STXBP5: variants seen among roughly 807,000 people sequenced by gnomAD.
STXBP5 encodes the protein syntaxin-binding protein 5.
STXBP5 carries 50 observed loss-of-function variants against 152.4 expected under a neutral mutation model. The observed-to-expected ratio is 0.33, with a 90% confidence interval of 0.26 to 0.42. The LOEUF is 0.42. Ranked by LOEUF, STXBP5 falls within the 10% of genes least tolerant of loss-of-function variation. The pLI, the probability that STXBP5 is intolerant of heterozygous loss-of-function variation, is 1.00. For missense variants in STXBP5, 1,167 were observed against 1,388.6 expected, an observed-to-expected ratio of 0.84 and a Z score of 2.54; for synonymous variants, 492 against 494.7, an observed-to-expected ratio of 0.99 and a Z score of 0.07.
At chr6:147,320,246 T>G (rs1782853299) in intron 16 of STXBP5, among the ~76,000 whole-genome samples, 1 of 152,096 alleles carries the variant, frequency 6.6e-6, no homozygotes, top group Admixed American at 6.6e-5. Flanking sequence ...AAGAGCCAGG[T>G]AGGTTTCCTG....
chr6:147,328,526 C>T (rs1197495247), intron 18 of STXBP5, among the ~76,000 whole-genome samples: 1 of 152,012 alleles, frequency 6.6e-6, no homozygotes, highest in Non-Finnish European at 1.5e-5. Flanking sequence ...ATAGACCTTT[C>T]TGTTACTTTG....
At chr6:147,264,028 A>T (rs1273627800) in intron 6 of STXBP5, among the ~76,000 whole-genome samples, 1 of 151,586 alleles carries the variant, frequency 6.6e-6, no homozygotes, top group Non-Finnish European at 1.5e-5. Flanking sequence ...AATTATATGG[A>T]TTATATATAT....
chr6:147,292,665 A>G (rs1341143771), intron 9 of STXBP5: 1 of 153,006 alleles, frequency 6.5e-6, no homozygotes, highest in Admixed American at 6.5e-5. Context: ...ATCTATGATT[A>G]TAATACAAAA....
intron 2 of STXBP5, among the ~76,000 whole-genome samples, chr6:147,224,782 T>G (rs567283438): frequency 2.4e-4 from 37 of 152,322 alleles, no homozygotes; most frequent in African/African-American, 8.4e-4. Context: ...GTTTTTATGT[T>G]CACACAAAAT....
chr6:147,218,062 C>A (rs986008592), intron 2 of STXBP5, among the ~76,000 whole-genome samples: 1 of 152,070 alleles, frequency 6.6e-6, no homozygotes, highest in African/African-American at 2.4e-5. Flanking sequence ...TTTTTTAGTG[C>A]AGTTTTAGGT....
At position 147,386,762 on chromosome 6, in the gene STXBP5, CAATAA is replaced by C. The variant is rs1364157300; in HGVS notation, c.*2011_*2015del. 1 of 151,656 alleles carries C rather than the reference CAATAA, an allele frequency of 6.6e-6. No individual in the cohort carries two copies. The highest frequency in any genetic ancestry group is 1.5e-5 in the Non-Finnish European group (1 of 67,750). 9.4% of individuals were successfully genotyped at this position (151,656 alleles called of 1,614,324 possible). A position where few individuals can be genotyped will look rare whatever the true frequency, so the allele number is the denominator to read the frequency against. On this transcript the variant is annotated 3_prime_UTR_variant, in exon 28 of 28. Transcript: ENST00000321680. ...AAAGGTACAGTTTTGTGAATGTCAT[CAATAA>C]AATCAACAGTTATGGATTTGAAGAA...
intron 26 of STXBP5, among the ~76,000 whole-genome samples, chr6:147,376,542 C>T (rs951585924): frequency 5.9e-5 from 9 of 152,084 alleles, no homozygotes; most frequent in Non-Finnish European, 1.3e-4. Context: ...AAAAGGCCAG[C>T]GTCGAGTCTC....
At chr6:147,235,210 C>G in intron 2 of STXBP5, 40 bp from the exon 3 acceptor site, 1 of 1,583,798 alleles carries the variant, frequency 6.3e-7, no homozygotes, top group South Asian at 1.1e-5. Flanking sequence ...TTCTCAAAAC[C>G]GAACAAATAC....
chr6:147,222,681 A>G (rs1428425722), intron 2 of STXBP5, among the ~76,000 whole-genome samples: 1 of 152,186 alleles, frequency 6.6e-6, no homozygotes, highest in Non-Finnish European at 1.5e-5. Context: ...CCTTGTTGTT[A>G]AGAACAGAAT....
chr6:147,240,314 T>C (rs543799135), intron 4 of STXBP5, among the ~76,000 whole-genome samples: 17 of 152,316 alleles, frequency 1.1e-4, no homozygotes, highest in African/African-American at 4.1e-4. Flanking sequence ...TGGCACGAAA[T>C]ATGAGTAAGG....
chr6:147,328,479 C>T (rs1357820946), intron 18 of STXBP5, among the ~76,000 whole-genome samples: 1 of 152,202 alleles, frequency 6.6e-6, no homozygotes, highest in East Asian at 1.9e-4. Flanking sequence ...ACTAATACTG[C>T]AAATTTTACA....
intron 2 of STXBP5, among the ~76,000 whole-genome samples, chr6:147,216,498 G>A (rs1777174861): frequency 6.6e-6 from 1 of 152,148 alleles, no homozygotes; most frequent in Non-Finnish European, 1.5e-5. Flanking sequence ...TTGTTGGAAA[G>A]AACATATATG....
intron 8 of STXBP5, 103 bp from the exon 9 acceptor site, chr6:147,290,991 A>G (rs559941010): frequency 2.5e-6 from 2 of 807,146 alleles, no homozygotes; most frequent in East Asian, 2.8e-5. Context: ...AAAATGTTTC[A>G]TGGTGGATTT....
Position 147,272,447 on chromosome 6 carries a change from G to A in STXBP5, c.714+5280G>A, listed in dbSNP as rs531388981. Among the ~76,000 whole-genome samples, 13 of 152,278 alleles carry A rather than the reference G, an allele frequency of 8.5e-5. No individual in the cohort carries two copies. In the South Asian group the frequency reaches 2.5e-3, roughly 29 times the overall value. On this transcript the variant is annotated intron_variant, in intron 7 of 27. Transcript: ENST00000321680. Reference sequence around the variant, plus strand: ...TCTAACTTCTAAATTAACTTGTAATGTAAACTGAGTAAAAATTTCTGGCTT... The same window carrying A: ...TCTAACTTCTAAATTAACTTGTAATATAAACTGAGTAAAAATTTCTGGCTT...
chr6:147,317,101 T>A (rs759864665), intron 16 of STXBP5, among the ~76,000 whole-genome samples: 1 of 152,186 alleles, frequency 6.6e-6, no homozygotes, highest in Non-Finnish European at 1.5e-5. Flanking sequence ...CTGGTAGCAC[T>A]CAGAGAGATT....
chr6:147,316,791 T>A (rs2128376336), intron 16 of STXBP5, among the ~76,000 whole-genome samples: 1 of 152,292 alleles, frequency 6.6e-6, no homozygotes, highest in Admixed American at 6.5e-5. Flanking sequence ...AAGACTCAGT[T>A]GTTTTCTAAT....
chr6:147,315,628 A>G lies in STXBP5; in HGVS notation c.1516A>G (p.Ile506Val). 4 of 1,613,954 alleles carry G rather than the reference A, an allele frequency of 2.5e-6. No homozygotes were observed. The highest frequency in any genetic ancestry group is 3.4e-6 in the Non-Finnish European group (4 of 1,179,916). The part of the protein sequence containing the change: ...IVDEDPYAIQ[I>V]ISWCPESRML... ...AGATGAAGATCCATATGCCATTCAG[A>G]TCATCTCCTGGTGTCCAGAAAGTAG... is the stretch of plus-strand genomic sequence containing the variant. The change falls in exon 15 of 28, where the codon ATC becomes GTC. Residue 506 changes from isoleucine to valine, a missense_variant. Ile to Val is a conservative substitution (Grantham distance 29, BLOSUM62 3). Transcript: ENST00000321680.
intron 21 of STXBP5, among the ~76,000 whole-genome samples, chr6:147,346,764 GA>G (rs1448096627): frequency 1.3e-5 from 2 of 151,984 alleles, no homozygotes; most frequent in Non-Finnish European, 2.9e-5. Flanking sequence ...CTTTTAGCCA[GA>G]AGTTCAACTT....
At chr6:147,240,868 G>A (rs1237193122) in intron 4 of STXBP5, among the ~76,000 whole-genome samples, 1 of 152,158 alleles carries the variant, frequency 6.6e-6, no homozygotes, top group African/African-American at 2.4e-5. Flanking sequence ...AGAGTTGGGA[G>A]ATGTAAGGAA....
Sources: allele counts gnomAD v4.1 joint callset (sites outside exome capture counted in the v4.1 genomes callset), GRCh38; gene constraint gnomAD v4.1.1; transcripts MANE v1.5; gene names NCBI Gene and HGNC (gene_info 2026-07-23, HGNC 2026-07-21).